DENND2A: variants seen among roughly 807,000 people sequenced by gnomAD.
The protein encoded by DENND2A is DENN domain containing 2A.
In DENND2A, 53 loss-of-function variants were observed where a neutral mutation model predicts 105.3. That is an observed-to-expected ratio of 0.50 (90% CI 0.40 to 0.63). The LOEUF (loss-of-function observed/expected upper bound fraction) is 0.63, where lower values mean the gene tolerates loss of function less well. DENND2A is among the 30% of genes least tolerant of loss of function. The pLI is 0.00. For missense variants in DENND2A, 1,138 were observed against 1,279.6 expected, an observed-to-expected ratio of 0.89 and a Z score of 1.69; for synonymous variants, 522 against 508.4, an observed-to-expected ratio of 1.03 and a Z score of -0.36.
chr7:140,585,440 A>G, intron 5 of DENND2A, 149 bp downstream of exon 5: 1 of 1,064,068 alleles, frequency 9.4e-7, no homozygotes, highest in Non-Finnish European at 1.4e-6. Context: ...AGAGGGAGGA[A>G]GACCAGTCAG....
At chr7:140,576,100 CT>C (rs1798291909) in intron 5 of DENND2A, among the ~76,000 whole-genome samples, 2 of 150,854 alleles carry the variant, frequency 1.3e-5, no homozygotes, top group African/African-American at 4.9e-5. Flanking sequence ...CTGTATTTTT[CT>C]TTAGTGTATT....
chr7:140,559,533 G>A lies in DENND2A; in HGVS notation c.1889+175C>T, dbSNP rs1797528352. On this transcript the variant is annotated intron_variant, in intron 10 of 19. Coordinates refer to ENST00000496613, the MANE Select transcript of DENND2A (RefSeq NM_015689.5). The surrounding 1 kb of genome is among the most constrained non-coding windows in gnomAD (Gnocchi z 4.1). The stretch of plus-strand genomic sequence containing the variant: ...GAAGCCCGGGAGGTCTGCATGCTGG[G>A]CAGGTGACTTCACCTTCAGGGAAGC... Among the ~76,000 whole-genome samples, 1 of 152,184 alleles carries A rather than the reference G, an allele frequency of 6.6e-6. No individual in the cohort carries two copies. The highest frequency in any genetic ancestry group is 6.5e-5 in the Admixed American group (1 of 15,270).
intron 5 of DENND2A, among the ~76,000 whole-genome samples, chr7:140,575,860 T>A (rs1021280064): frequency 1.3e-5 from 2 of 151,584 alleles, no homozygotes; most frequent in Non-Finnish European, 2.9e-5. Context: ...TCTCAGCTAC[T>A]CGGGAGGCTG....
At chr7:140,578,822 T>A (rs1798413961) in intron 5 of DENND2A, among the ~76,000 whole-genome samples, 1 of 152,108 alleles carries the variant, frequency 6.6e-6, no homozygotes, top group Non-Finnish European at 1.5e-5. Flanking sequence ...TGCAGTGAGC[T>A]GAGATCATGC....
intron 14 of DENND2A, among the ~76,000 whole-genome samples, chr7:140,536,600 T>TGTTC (rs1394074161): frequency 1.3e-5 from 2 of 152,170 alleles, no homozygotes; most frequent in Non-Finnish European, 2.9e-5. Context: ...ATCTTGTTGG[T>TGTTC]GTTCATATGC....
At chr7:140,534,816 C>T (rs1171821819) in intron 14 of DENND2A, among the ~76,000 whole-genome samples, 1 of 152,150 alleles carries the variant, frequency 6.6e-6, no homozygotes, top group African/African-American at 2.4e-5. Flanking sequence ...AAAGAAACGC[C>T]AGCACTCACA....
At chr7:140,543,907 T>G (rs1246329793) in intron 14 of DENND2A, 1 of 151,990 alleles carries the variant, frequency 6.6e-6, no homozygotes, top group Non-Finnish European at 1.5e-5. Context: ...TATTTTTATT[T>G]TTGAGATGGA....
chr7:140,601,446 T>C lies in DENND2A; in HGVS notation c.952A>G (p.Arg318Gly), dbSNP rs1799481413. 6.2e-7 allele frequency: 1 copy of C among 1,612,516 alleles called. No individual in the cohort carries two copies. Among genetic ancestry groups the C allele is most frequent in the African/African-American group, 1.3e-5 (1 of 74,908 alleles). ...TTCTGTCTCCCGGTCCACAGTCTTC[T>C]GTTCACAGAGGAAGGTGGGGGAGAG... is the stretch of plus-strand genomic sequence containing the variant. ...PSSPPPSSVN[R>G]RLWTGRQKSS... The change falls in exon 3 of 20, where the codon AGA becomes GGA. Residue 318 changes from arginine (R) to glycine (G), a missense_variant. Arg to Gly is a moderately radical substitution (Grantham distance 125). This residue lies in a region of DENND2A where 511 missense variants were observed against 499.9 expected (regional missense o/e 1.02). Coordinates refer to ENST00000496613, the MANE Select transcript of DENND2A (RefSeq NM_015689.5).
intron 9 of DENND2A, among the ~76,000 whole-genome samples, chr7:140,561,277 G>T (rs1229626659): frequency 6.6e-6 from 1 of 152,038 alleles, no homozygotes; most frequent in Non-Finnish European, 1.5e-5. Context: ...TTATAAACAG[G>T]TACTTTTTCA....
intron 3 of DENND2A, among the ~76,000 whole-genome samples, chr7:140,589,599 G>A (rs1305617777): frequency 6.6e-6 from 1 of 152,190 alleles, no homozygotes; most frequent in Non-Finnish European, 1.5e-5. Context: ...AGAGAAAGGG[G>A]CTGTAGCTGT....
At chr7:140,611,869 A>G (rs376466165) in intron 1 of DENND2A, among the ~76,000 whole-genome samples, 31 of 152,326 alleles carry the variant, frequency 2.0e-4, no homozygotes, top group South Asian at 6.2e-4. Flanking sequence ...AATGATAGAA[A>G]TGTCCTAAAA....
intron 1 of DENND2A, among the ~76,000 whole-genome samples, chr7:140,619,751 C>T (rs1356760483): frequency 3.3e-5 from 5 of 152,110 alleles, no homozygotes; most frequent in East Asian, 1.9e-4. Context: ...CTGCCTGCCT[C>T]GGCCTCCCAA....
At chr7:140,580,615 C>T (rs929754185) in intron 5 of DENND2A, among the ~76,000 whole-genome samples, 4 of 152,084 alleles carry the variant, frequency 2.6e-5, no homozygotes, top group African/African-American at 9.7e-5. Context: ...CCACTGCACC[C>T]AGCCTGTTAT....
chr7:140,557,686 C>T (rs1355109207), intron 11 of DENND2A, among the ~76,000 whole-genome samples: 9 of 144,926 alleles, frequency 6.2e-5, no homozygotes, highest in South Asian at 2.3e-4. Context: ...ACTACAGGCG[C>T]GTGCCACCAT....
intron 14 of DENND2A, among the ~76,000 whole-genome samples, chr7:140,531,255 C>T (rs1253007510): frequency 5.3e-5 from 8 of 152,120 alleles, no homozygotes; most frequent in African/African-American, 1.7e-4. Context: ...TATGTTGATG[C>T]GTGGAGCCAG....
At chr7:140,614,435 C>T (rs1800012205) in intron 1 of DENND2A, among the ~76,000 whole-genome samples, 1 of 152,182 alleles carries the variant, frequency 6.6e-6, no homozygotes, top group Non-Finnish European at 1.5e-5. Flanking sequence ...ACTTGTGTTT[C>T]TTTTTCCCAG....
chr7:140,591,784 TTTC>T (rs1342695116), intron 3 of DENND2A, among the ~76,000 whole-genome samples: 35 of 149,780 alleles, frequency 2.3e-4, no homozygotes, highest in East Asian at 7.8e-4. Flanking sequence ...CCTTCCTTTC[TTTC>T]TTTTCTTTTC....
chr7:140,583,175 C>G (rs935574219), intron 5 of DENND2A, among the ~76,000 whole-genome samples: 5 of 151,792 alleles, frequency 3.3e-5, no homozygotes, highest in African/African-American at 1.2e-4. Context: ...GGCCCAGCTA[C>G]TCGGGAGGCT....
intron 1 of DENND2A, among the ~76,000 whole-genome samples, chr7:140,606,036 T>C (rs1799675624): frequency 6.6e-6 from 1 of 152,134 alleles, no homozygotes; most frequent in Non-Finnish European, 1.5e-5. Context: ...TGTATATATC[T>C]TTTTTGTTCA....
Sources: gnomAD v4.1 joint callset for allele counts (sites outside exome capture counted in the v4.1 genomes callset) on GRCh38, gnomAD v4.1.1 for gene constraint, gnomAD v4.1.1 regional missense constraint, Gnocchi (gnomAD v3.1) non-coding constraint, MANE v1.5 for transcripts, NCBI Gene and HGNC (gene_info 2026-07-23, HGNC 2026-07-21) for gene names.